CCDC171: variants seen among roughly 807,000 people sequenced by gnomAD.
CCDC171 encodes the protein coiled-coil domain containing 171.
In CCDC171, 177 loss-of-function variants were observed where a neutral mutation model predicts 168.2. The observed-to-expected ratio is 1.05, with a 90% CI of 0.93 to 1.19. CCDC171 has a LOEUF of 1.19. Ranked by LOEUF, CCDC171 falls within the 50% of genes most tolerant of loss-of-function variation. The pLI is 0.00. For synonymous variants in CCDC171, 687 were observed against 540.8 expected (o/e 1.27, Z -3.75); for missense variants, 1,991 against 1,539.0 (o/e 1.29, Z -4.91).
intron 6 of CCDC171, among the ~76,000 whole-genome samples, chr9:15,602,119 G>T (rs2042903366): frequency 6.6e-6 from 1 of 152,138 alleles, no homozygotes; most frequent in Admixed American, 6.5e-5. Context: ...TTTGTAACTG[G>T]AATGTTTAGA....
intron 7 of CCDC171, among the ~76,000 whole-genome samples, chr9:15,646,545 G>A (rs933672197): frequency 2.0e-5 from 3 of 152,096 alleles, no homozygotes; most frequent in African/African-American, 7.2e-5. Flanking sequence ...TAAAATGAAG[G>A]GATGGAGGAA....
chr9:15,810,110 C>A (rs1333434490), intron 21 of CCDC171, among the ~76,000 whole-genome samples: 2 of 152,140 alleles, frequency 1.3e-5, no homozygotes, highest in Non-Finnish European at 2.9e-5. Flanking sequence ...GGTGCATTTA[C>A]AATCCCTGAA....
At chr9:15,862,042 C>A (rs2130992319) in intron 23 of CCDC171, among the ~76,000 whole-genome samples, 1 of 151,456 alleles carries the variant, frequency 6.6e-6, no homozygotes, top group African/African-American at 2.4e-5. Flanking sequence ...CCTTTCATCC[C>A]TTTGAATATG....
chr9:15,725,843 A>G (rs941800776), intron 14 of CCDC171, among the ~76,000 whole-genome samples: 7 of 152,220 alleles, frequency 4.6e-5, no homozygotes, highest in Non-Finnish European at 1.0e-4. Flanking sequence ...AAATTTAGAA[A>G]AATAAGAGTC....
intron 24 of CCDC171, 138 bp downstream of exon 24, chr9:15,874,801 T>C: frequency 1.2e-6 from 1 of 831,310 alleles, no homozygotes; most frequent in East Asian, 3.2e-5. Context: ...TTTTCTTCTA[T>C]CATGTAACAG....
chr9:16,038,696 A>G (rs1005534461), upstream of CCDC171, among the ~76,000 whole-genome samples: 3 of 152,112 alleles, frequency 2.0e-5, no homozygotes, highest in Non-Finnish European at 4.4e-5. Context: ...TCAAACTAAG[A>G]TGGCAGAAAT....
intron 11 of CCDC171, among the ~76,000 whole-genome samples, chr9:15,714,599 G>A (rs1171266824): frequency 2.6e-5 from 4 of 151,770 alleles, no homozygotes; most frequent in Admixed American, 6.6e-5. Flanking sequence ...TCCTCCCCCC[G>A]GTACAGTTAC....
intron 11 of CCDC171, among the ~76,000 whole-genome samples, chr9:15,702,668 A>G (rs887956333): frequency 2.0e-5 from 3 of 152,186 alleles, no homozygotes; most frequent in Non-Finnish European, 4.4e-5. Flanking sequence ...TTTAGTCTTC[A>G]CTGAAAATCT....
At chr9:15,791,388 G>T (rs2058253709) in intron 21 of CCDC171, among the ~76,000 whole-genome samples, 1 of 151,874 alleles carries the variant, frequency 6.6e-6, no homozygotes, top group African/African-American at 2.4e-5. Flanking sequence ...TCATGATTTG[G>T]CTCTGTGTTT....
At chr9:15,573,576 C>T (rs1003630458) in intron 3 of CCDC171, among the ~76,000 whole-genome samples, 1 of 152,150 alleles carries the variant, frequency 6.6e-6, no homozygotes, top group South Asian at 2.1e-4. Flanking sequence ...GCCACTGTGC[C>T]CCGCCCAATT....
rs373086897 is a variant in CCDC171, at chr9:15,931,053, G to T, written c.3753+10631G>T. ...ACATCCATGCAATAAACATTGGAGTGCAGCTATCTCTTTGACCTACTGATT... is the reference window on the plus strand; with the variant it reads ...ACATCCATGCAATAAACATTGGAGTTCAGCTATCTCTTTGACCTACTGATT... On this transcript the variant is annotated intron_variant, in intron 25 of 25. Coordinates refer to ENST00000380701, the MANE Select transcript of CCDC171 (RefSeq NM_173550.4). Among the ~76,000 whole-genome samples, 54 of 151,798 alleles carry T rather than the reference G, an allele frequency of 3.6e-4. 2 individuals are homozygous for T. In the East Asian group the frequency reaches 5.1e-3, roughly 14 times the overall value.
At chr9:15,714,864 A>G (rs73644697) in intron 11 of CCDC171, among the ~76,000 whole-genome samples, 4,118 of 152,234 alleles carry the variant, frequency 0.027, 185 homozygotes, top group African/African-American at 0.095. Flanking sequence ...TATGCTGCCC[A>G]TTTATTTTGG....
rs199756183 is a variant in CCDC171 at position 15,661,143 on chromosome 9, C to A, written c.915+3924C>A. On this transcript the variant is annotated intron_variant, in intron 8 of 25. Transcript: ENST00000380701. ...AAAATACAAAAAATTAGCCGGGCGTCGTGGCGGGCGCCTGTAGTCCCAGCT... is the reference window on the plus strand; with the variant it reads ...AAAATACAAAAAATTAGCCGGGCGTAGTGGCGGGCGCCTGTAGTCCCAGCT... Among the ~76,000 whole-genome samples, 11 of 152,026 alleles carry A rather than the reference C, an allele frequency of 7.2e-5. No individual in the cohort carries two copies. In the East Asian group the frequency reaches 2.1e-3, roughly 29 times the overall value.
chr9:15,664,438 G>C (rs1045113310), intron 8 of CCDC171, among the ~76,000 whole-genome samples: 3 of 151,820 alleles, frequency 2.0e-5, no homozygotes, highest in African/African-American at 7.3e-5. Flanking sequence ...TTGTAGAGAT[G>C]GGGTTTCACC....
chr9:15,581,115 C>T (rs1047180685), intron 4 of CCDC171, among the ~76,000 whole-genome samples: 2 of 152,104 alleles, frequency 1.3e-5, no homozygotes, highest in African/African-American at 4.8e-5. Flanking sequence ...GCAAAAATTG[C>T]AAGCATTCCT....
At chr9:15,826,158 T>A (rs1317132039) in intron 21 of CCDC171, among the ~76,000 whole-genome samples, 1 of 152,080 alleles carries the variant, frequency 6.6e-6, no homozygotes, top group Non-Finnish European at 1.5e-5. Context: ...TGCTTTTAAT[T>A]TCTCATTCTC....
chr9:15,887,161 T>C (rs1415136990), intron 24 of CCDC171, among the ~76,000 whole-genome samples: 2 of 152,180 alleles, frequency 1.3e-5, no homozygotes, highest in Non-Finnish European at 2.9e-5. Context: ...ATAGATATGT[T>C]AATTAGCTTG....
In CCDC171 at chr9:15,626,760, T is replaced by G. The variant is rs144067214; in HGVS notation, c.822+3347T>G. Among the ~76,000 whole-genome samples, 51 of 152,328 alleles carry G rather than the reference T, an allele frequency of 3.3e-4. 1 individual carries two copies. The East Asian group carries it at 8.9e-3, about 26-fold the overall frequency. On this transcript the variant is annotated intron_variant, in intron 7 of 25. Transcript: ENST00000380701. ...TTTGCATCAATGTTCATCAGGGATA[T>G]TGGTCTAAAATTCTCTTTTTTTTAG...
chr9:15,875,457 CA>C (rs1039859377), intron 24 of CCDC171: 1 of 151,314 alleles, frequency 6.6e-6, no homozygotes, highest in African/African-American at 2.4e-5. Flanking sequence ...TTTTAATGCC[CA>C]AAACCTTCAT....
Sources: allele counts gnomAD v4.1 joint callset (sites outside exome capture counted in the v4.1 genomes callset), GRCh38; gene constraint gnomAD v4.1.1; transcripts MANE v1.5; gene names NCBI Gene and HGNC (gene_info 2026-07-23, HGNC 2026-07-21).